Variants in C17orf99 observed in about 807,000 individuals in gnomAD.
The protein encoded by C17orf99 is protein IL-40.
A neutral mutation model predicts 22.6 loss-of-function variants in C17orf99; 18 were observed. That is an observed-to-expected ratio of 0.80 (90% CI 0.55 to 1.18). The LOEUF (loss-of-function observed/expected upper bound fraction) is 1.18, where lower values mean the gene tolerates loss of function less well. Among genes scored for constraint, C17orf99 ranks in the 50% most tolerant of loss-of-function variants. The pLI is 0.00. For synonymous variants in C17orf99, 147 were observed against 136.6 expected (o/e 1.08, Z -0.53); for missense variants, 328 against 342.7 (o/e 0.96, Z 0.34).
intron 3 of C17orf99, among the ~76,000 whole-genome samples, 159 bp downstream of exon 3, chr17:78,161,413 C>A (rs951246114): frequency 6.6e-6 from 1 of 152,172 alleles, no homozygotes; most frequent in Admixed American, 6.5e-5. Flanking sequence ...CATTCTCAGT[C>A]CCTTGGGGCC....
intron 2 of C17orf99, among the ~76,000 whole-genome samples, chr17:78,151,423 C>CAAAAA (rs35828431): frequency 1.1e-4 from 6 of 56,128 alleles, no homozygotes; most frequent in Non-Finnish European, 1.7e-4. Flanking sequence ...GACTCTGTCT[C>CAAAAA]AAAAAAAAAA....
chr17:78,159,879 G>T (rs2075559572), intron 2 of C17orf99, among the ~76,000 whole-genome samples: 1 of 152,096 alleles, frequency 6.6e-6, no homozygotes, highest in Non-Finnish European at 1.5e-5. Flanking sequence ...GCTCATCCCT[G>T]TTGCAGCCTG....
intron 2 of C17orf99, among the ~76,000 whole-genome samples, chr17:78,148,452 G>A (rs181974614): frequency 4.8e-4 from 73 of 152,074 alleles, no homozygotes; most frequent in Admixed American, 1.9e-3. Flanking sequence ...TTGCTTGTCC[G>A]GGAAGTGAGG....
intron 2 of C17orf99, among the ~76,000 whole-genome samples, chr17:78,153,511 C>A (rs138775614): frequency 1.3e-5 from 2 of 151,964 alleles, no homozygotes; most frequent in African/African-American, 4.8e-5. Flanking sequence ...AAGTGAATGT[C>A]CCTGGTACAG....
Position 78,146,982 on chromosome 17 carries a change from A to AG in C17orf99, c.70+74dup. The AG allele has an allele frequency of 7.2e-7, 1 of 1,391,954 alleles. No homozygotes were observed. The highest frequency in any genetic ancestry group is 1.4e-5 in the African/African-American group (1 of 69,982). The allele number at this position is 1,391,954 out of a possible 1,614,324, so 86.2% of individuals were successfully genotyped here. On this transcript the variant is annotated intron_variant, in intron 2 of 4. Transcript: ENST00000340363. The surrounding 1 kb of genome is among the most constrained non-coding windows in gnomAD (Gnocchi z 5.2). ...CCTGGTGTCAGAACCCCCATGGTGG[A>AG]GGGCGCCTCGGCTGGGAAGGGAGTT... is the stretch of plus-strand genomic sequence containing the variant.
Position 78,160,076 on chromosome 17 carries a change from A to G in C17orf99, c.71-879A>G, listed in dbSNP as rs4789017. ...GTCCCTGTTTTCTATTATTTGGTGT[A>G]TGTCTAGGCCTGGAATTGTTGAGTC... is the stretch of plus-strand genomic sequence containing the variant. On this transcript the variant is annotated intron_variant, in intron 2 of 4. Transcript: ENST00000340363. 1.3e-3 allele frequency: 595 copies of G among 456,162 alleles called. 2 individuals carry two copies. The highest frequency in any genetic ancestry group is 3.8e-3 in the East Asian group (55 of 14,398). 28.3% of individuals were successfully genotyped at this position (456,162 alleles called of 1,614,324 possible).
In C17orf99 at chr17:78,160,547, A is replaced by AAAAAG. The variant is rs200813163; in HGVS notation, c.71-407_71-406insAAAGA. 3.9e-4 allele frequency among the ~76,000 whole-genome samples: 56 copies of AAAAAG among 143,540 alleles called. 2 individuals carry two copies. The highest frequency in any genetic ancestry group is 3.4e-3 in the South Asian group (15 of 4,414). The allele number at this position is 143,540 out of a possible 152,430, so 94.2% of individuals were successfully genotyped here. A position where few individuals can be genotyped will look rare whatever the true frequency, so the allele number is the denominator to read the frequency against. ...CAAGACTCCATCTAAAAAAAAAAAA[A>AAAAAG]AGAGAGAGAGAGAGAGAACATGCTA... On this transcript the variant is annotated intron_variant, in intron 2 of 4. Transcript: ENST00000340363.
Position 78,161,204 on chromosome 17 carries a change from G to T in C17orf99, c.320G>T (p.Gly107Val). 1 of 1,551,746 alleles carries T rather than the reference G, an allele frequency of 6.4e-7. No individual in the cohort carries two copies. The highest frequency in any genetic ancestry group is 8.7e-7 in the Non-Finnish European group (1 of 1,146,986). Residue 107 changes from glycine to valine, a missense_variant, in exon 3 of 5, where the codon GGT (glycine) becomes GTT (valine). By Grantham distance (109) the Gly-to-Val change is moderately radical. Coordinates refer to ENST00000340363, the MANE Select transcript of C17orf99 (RefSeq NM_001163075.2). ...TTCTGCTGGGCGTCCTCCACCTCAG[G>T]TGCCCATGTGGACAGTGCCAGGCTA... ...TYFCWASSTS[G>V]AHVDSARLQM...
chr17:78,166,016 G>A lies in C17orf99; in HGVS notation c.768G>A (p.Glu256=), dbSNP rs1258094819. 2 of 1,441,790 alleles carry A rather than the reference G, an allele frequency of 1.4e-6. No homozygotes were observed. The highest frequency in any genetic ancestry group is 1.5e-5 in the South Asian group (1 of 66,838). 89.3% of individuals were successfully genotyped at this position (1,441,790 alleles called of 1,614,324 possible). A position where few individuals can be genotyped will look rare whatever the true frequency, so the allele number is the denominator to read the frequency against. Residue 256 remains glutamate (E), a synonymous_variant, in exon 5 of 5, where the codon GAG becomes GAA. Transcript: ENST00000340363. ...GGGGGTTCAGGATAGGGAATGGGGA[G>A]GTCAGAGGACGCAAAGCAGCAGCCA... ...EFGGFRIGNG[E]VRGRKAAAM
chr17:78,146,368 G>A, upstream of C17orf99: 3 of 1,545,838 alleles, frequency 1.9e-6, no homozygotes, highest in Non-Finnish European at 2.6e-6. The surrounding 1 kb of genome is among the most constrained non-coding windows in gnomAD (Gnocchi z 5.2). Context: ...GAACTAGGAG[G>A]TTCTCACTGC....
chr17:78,162,883 T>A (rs997864039), intron 3 of C17orf99, among the ~76,000 whole-genome samples: 2 of 152,190 alleles, frequency 1.3e-5, no homozygotes, highest in African/African-American at 2.4e-5. Context: ...CCTCCCAGAT[T>A]CAAGCGATTC....
Position 78,146,727 on chromosome 17 carries a change from T to G in C17orf99, c.38-152T>G. On this transcript the variant is annotated intron_variant, in intron 1 of 4. Transcript: ENST00000340363. The surrounding 1 kb of genome is among the most constrained non-coding windows in gnomAD (Gnocchi z 5.2). ...GTGGGGGGAGGGGCGCAAAAGAGCT[T>G]TTGTGAGTGATGGTGCCAGCTGAGT... The G allele has an allele frequency of 1.3e-6, 1 of 753,352 alleles. No individual in the cohort carries two copies. The highest frequency in any genetic ancestry group is 2.2e-6 in the Non-Finnish European group (1 of 450,166). The allele number at this position is 753,352 out of a possible 1,614,324, so 46.7% of individuals were successfully genotyped here. A position where few individuals can be genotyped will look rare whatever the true frequency, so the allele number is the denominator to read the frequency against.
chr17:78,164,877 G>A (rs190150174), intron 4 of C17orf99: 25 of 1,180,370 alleles, frequency 2.1e-5, no homozygotes, highest in South Asian at 2.0e-4. Flanking sequence ...CATTCAAGGC[G>A]TTATCGGACC....
chr17:78,164,275 T>C lies in C17orf99; in HGVS notation c.551T>C (p.Phe184Ser), dbSNP rs1598954371. 1 of 1,551,520 alleles carries C rather than the reference T, an allele frequency of 6.4e-7. No homozygotes were observed. Among genetic ancestry groups the C allele is most frequent in the Non-Finnish European group, 8.7e-7 (1 of 1,147,012 alleles). ...CACAGGCAGCCTGCCAACTTCTCCTTCCTGCCGAGCCAGACATCGGACTGG... is the reference window on the plus strand; with the variant it reads ...CACAGGCAGCCTGCCAACTTCTCCTCCCTGCCGAGCCAGACATCGGACTGG... Reference protein sequence around the residue: ...PCHRQPANFSFLPSQTSDWFW... With the variant: ...PCHRQPANFSSLPSQTSDWFW... Residue 184 changes from phenylalanine (F) to serine (S), a missense_variant, in exon 4 of 5, where the codon TTC (phenylalanine) becomes TCC (serine). Coordinates refer to ENST00000340363, the MANE Select transcript of C17orf99 (RefSeq NM_001163075.2).
intron 2 of C17orf99, chr17:78,157,763 C>G (rs1490437878): frequency 1.2e-5 from 7 of 567,768 alleles, no homozygotes; most frequent in Non-Finnish European, 2.9e-6. Context: ...TGCCACTGCA[C>G]TCCAGCCTGG....
chr17:78,160,810 T>A (rs1205483455), intron 2 of C17orf99, 145 bp from the exon 3 acceptor site: 1 of 651,092 alleles, frequency 1.5e-6, no homozygotes, highest in Admixed American at 2.9e-5. Context: ...TTTGAACTCC[T>A]GACCTCAAGT....
In C17orf99 at chr17:78,155,564, G is replaced by C. The variant is rs1010417521; in HGVS notation, c.71-5391G>C. ...ACCCCTGGGCTTAAGCAATCCTCCCGCCTTGGCCTCCCAAAGTGCTGGTAT... is the reference window on the plus strand; with the variant it reads ...ACCCCTGGGCTTAAGCAATCCTCCCCCCTTGGCCTCCCAAAGTGCTGGTAT... On this transcript the variant is annotated intron_variant, in intron 2 of 4. Transcript: ENST00000340363. Among the ~76,000 whole-genome samples, 84 of 151,872 alleles carry C rather than the reference G, an allele frequency of 5.5e-4. 5 individuals carry two copies. Among genetic ancestry groups the C allele is most frequent in the Non-Finnish European group, 1.0e-4 (7 of 67,968 alleles).
At chr17:78,157,190 G>A (rs12451138) in intron 2 of C17orf99, among the ~76,000 whole-genome samples, 19,610 of 151,814 alleles carry the variant, frequency 0.13, 1,559 homozygotes, top group African/African-American at 0.2. Context: ...CTTAGGCCGG[G>A]CACGGTGGCT....
chr17:78,157,308 G>T (rs112856425), intron 2 of C17orf99: 2 of 456,844 alleles, frequency 4.4e-6, no homozygotes, highest in African/African-American at 2.2e-5. Flanking sequence ...AGGTGCCTGC[G>T]TACTAAGACC....
Sources: allele counts gnomAD v4.1 joint callset (sites outside exome capture counted in the v4.1 genomes callset), GRCh38; gene constraint gnomAD v4.1.1; non-coding constraint Gnocchi (gnomAD v3.1); transcripts MANE v1.5; gene names NCBI Gene and HGNC (gene_info 2026-07-23, HGNC 2026-07-21).